The following ADAM32 variants were observed in gnomAD, a reference collection of about 807,000 sequenced individuals.
The protein encoded by ADAM32 is ADAM metallopeptidase domain 32, also known as disintegrin and metalloproteinase domain-containing protein 32.
In ADAM32, 89 loss-of-function variants were observed where a neutral mutation model predicts 114.9. That is an observed-to-expected ratio of 0.77 (90% CI 0.65 to 0.92). The LOEUF (loss-of-function observed/expected upper bound fraction) is 0.92, where lower values mean the gene tolerates loss of function less well. Ranked by LOEUF, ADAM32 falls within the 40% of genes least tolerant of loss-of-function variation. ADAM32 has a pLI of 0.00. For synonymous variants in ADAM32, 285 were observed against 307.5 expected (o/e 0.93, Z 0.77); for missense variants, 870 against 932.8 (o/e 0.93, Z 0.88).
chr8:39,233,416 A>C (rs1242907290), intron 15 of ADAM32, among the ~76,000 whole-genome samples: 1 of 152,104 alleles, frequency 6.6e-6, no homozygotes, highest in African/African-American at 2.4e-5. Context: ...TGCTGGTGGG[A>C]GTATCTTTTA....
chr8:39,117,244 TC>T (rs1840417190), intron 1 of ADAM32, among the ~76,000 whole-genome samples: 1 of 152,210 alleles, frequency 6.6e-6, no homozygotes, highest in Non-Finnish European at 1.5e-5. Flanking sequence ...CTGCTACAGT[TC>T]CTGAAGTTGT....
rs116078171 is a variant in ADAM32, at chr8:39,152,898, C to G, written c.525+1350C>G. ...TGAGCAAGCATAATATGTGTTACTT[C>G]TGGCTTGAATATTAAAAGGAGGGGT... is the stretch of plus-strand genomic sequence containing the variant. On this transcript the variant is annotated intron_variant, in intron 6 of 24. Coordinates refer to ENST00000379907, the MANE Select transcript of ADAM32 (RefSeq NM_145004.7). Among the ~76,000 whole-genome samples the G allele has an allele frequency of 3.9e-3, 599 of 152,260 alleles. 3 individuals are homozygous for G. The highest frequency in any genetic ancestry group is 0.014 in the African/African-American group (574 of 41,516).
chr8:39,234,063 C>A lies in ADAM32; in HGVS notation c.1799C>A (p.Ser600Tyr). 6.8e-7 allele frequency: 1 copy of A among 1,477,248 alleles called. No individual in the cohort carries two copies. The highest frequency in any genetic ancestry group is 9.0e-7 in the Non-Finnish European group (1 of 1,109,692). The allele number at this position is 1,477,248 out of a possible 1,614,324, so 91.5% of individuals were successfully genotyped here. A position where few individuals can be genotyped will look rare whatever the true frequency, so the allele number is the denominator to read the frequency against. ...VPDPLAVKNG[S>Y]QCDIGRVCVN... ...GATCCACTGGCTGTCAAAAATGGCT[C>A]TCAGTGTGATATTGGGAGGGTAAAT... Residue 600 changes from serine to tyrosine, a missense_variant, in exon 16 of 25, where the codon TCT (serine) becomes TAT (tyrosine). Transcript: ENST00000379907.
At chr8:39,185,047 T>C (rs1806131035) in intron 10 of ADAM32, among the ~76,000 whole-genome samples, 1 of 152,084 alleles carries the variant, frequency 6.6e-6, no homozygotes, top group Non-Finnish European at 1.5e-5. Context: ...GTGGATCACT[T>C]GAGGGTCAGG....
chr8:39,257,169 T>C lies in ADAM32; in HGVS notation c.2006-18T>C. 2 of 1,529,366 alleles carry C rather than the reference T, an allele frequency of 1.3e-6. No individual in the cohort carries two copies. Among genetic ancestry groups the C allele is most frequent in the Non-Finnish European group, 1.8e-6 (2 of 1,141,082 alleles). 94.7% of individuals were successfully genotyped at this position (1,529,366 alleles called of 1,614,324 possible). On this transcript the variant is annotated intron_variant, in intron 18 of 24. Transcript: ENST00000379907. Reference sequence around the variant, plus strand: ...GTTTAATTTTTTTGTTTTTTTTTTTTTGTATTTCTGTTTTTAGGTTCAATC... The same window carrying C: ...GTTTAATTTTTTTGTTTTTTTTTTTCTGTATTTCTGTTTTTAGGTTCAATC...
intron 1 of ADAM32, among the ~76,000 whole-genome samples, chr8:39,110,868 C>A: frequency 6.6e-6 from 1 of 152,186 alleles, no homozygotes; most frequent in East Asian, 1.9e-4. Context: ...TCACATTAAG[C>A]AGTCACTCCT....
In ADAM32 at chr8:39,180,426, C is replaced by G. The variant is rs991030757; in HGVS notation, c.916-6483C>G. On this transcript the variant is annotated intron_variant, in intron 10 of 24. Coordinates refer to ENST00000379907, the MANE Select transcript of ADAM32 (RefSeq NM_145004.7). The stretch of plus-strand genomic sequence containing the variant: ...TCAGCCTCCCCTGCCTCTGTGGGCT[C>G]CTTTGCGGCCCGAGCCTCCCCGACG... Among the ~76,000 whole-genome samples, 5 of 152,342 alleles carry G rather than the reference C, an allele frequency of 3.3e-5. No homozygotes were observed. In the East Asian group the frequency reaches 9.7e-4, roughly 29 times the overall value.
At chr8:39,220,373 G>GT (rs1808874987) in intron 12 of ADAM32, among the ~76,000 whole-genome samples, 1 of 151,954 alleles carries the variant, frequency 6.6e-6, no homozygotes, top group African/African-American at 2.4e-5. Flanking sequence ...AGATGGATGG[G>GT]TTTTGTTTTT....
rs1378607561 is a variant in ADAM32, at chr8:39,257,306, A to G, written c.2125A>G (p.Lys709Glu). 4 of 1,613,442 alleles carry G rather than the reference A, an allele frequency of 2.5e-6. No homozygotes were observed. In the Admixed American group the frequency reaches 6.7e-5, roughly 27 times the overall value. ...AGTTTTGGCAAGGAAACAGTTGAAAAAGTGGTTCGCCAAGGAAGAGGAATT... is the reference window on the plus strand; with the variant it reads ...AGTTTTGGCAAGGAAACAGTTGAAAGAGTGGTTCGCCAAGGAAGAGGAATT... The part of the protein sequence containing the change: ...AIVLARKQLK[K>E]WFAKEEEFPS... The change falls in exon 19 of 25, where the codon AAG (lysine) becomes GAG (glutamate). Residue 709 changes from lysine (K) to glutamate (E), a missense_variant. Transcript: ENST00000379907.
intron 11 of ADAM32, among the ~76,000 whole-genome samples, chr8:39,208,394 A>G (rs1226263760): frequency 6.6e-6 from 1 of 152,094 alleles, no homozygotes; most frequent in Non-Finnish European, 1.5e-5. Context: ...TGTTGTAGTT[A>G]TTGTTTTCAA....
intron 3 of ADAM32, among the ~76,000 whole-genome samples, chr8:39,145,811 A>C (rs1449562882): frequency 6.6e-6 from 1 of 152,122 alleles, no homozygotes; most frequent in Non-Finnish European, 1.5e-5. Flanking sequence ...AGCTCACTGC[A>C]GCCTTGAACT....
chr8:39,235,476 T>A (rs117846530), intron 16 of ADAM32, among the ~76,000 whole-genome samples: 1,651 of 152,162 alleles, frequency 0.011, 15 homozygotes, highest in Middle Eastern at 0.031. Context: ...GCCAGGGAGC[T>A]CAGTGGATAT....
At chr8:39,279,092 G>C (rs549247706) in intron 22 of ADAM32, among the ~76,000 whole-genome samples, 58 of 152,062 alleles carry the variant, frequency 3.8e-4, no homozygotes, top group Non-Finnish European at 7.1e-4. Context: ...TATATGTTCT[G>C]ATAGAATTTG....
At chr8:39,210,002 T>A (rs1194555235) in intron 11 of ADAM32, among the ~76,000 whole-genome samples, 1 of 152,216 alleles carries the variant, frequency 6.6e-6, no homozygotes, top group Non-Finnish European at 1.5e-5. Context: ...ACAGTCACTA[T>A]TACCTGACTG....
chr8:39,278,076 C>T (rs566712070), intron 22 of ADAM32, among the ~76,000 whole-genome samples: 28 of 152,172 alleles, frequency 1.8e-4, no homozygotes, highest in African/African-American at 3.4e-4. Flanking sequence ...TGGCTTTCAG[C>T]GGGAAGGGGA....
chr8:39,206,732 G>C (rs1807863632), intron 11 of ADAM32, among the ~76,000 whole-genome samples: 1 of 152,138 alleles, frequency 6.6e-6, no homozygotes, highest in Non-Finnish European at 1.5e-5. Flanking sequence ...TACATTCCTG[G>C]GTCAATCCTG....
intron 19 of ADAM32, among the ~76,000 whole-genome samples, chr8:39,270,153 C>T (rs533156557): frequency 2.8e-4 from 42 of 152,170 alleles, no homozygotes; most frequent in Non-Finnish European, 5.0e-4. Context: ...GGTGGGGACA[C>T]GAAGCCTAAC....
At chr8:39,142,512 C>T (rs558873947) in intron 3 of ADAM32, among the ~76,000 whole-genome samples, 41 of 152,178 alleles carry the variant, frequency 2.7e-4, no homozygotes, top group African/African-American at 9.9e-4. Flanking sequence ...CTTTTCTTTA[C>T]GAATGTTGAA....
chr8:39,257,157 G>T lies in ADAM32; in HGVS notation c.2006-30G>T, dbSNP rs551617677. On this transcript the variant is annotated intron_variant, in intron 18 of 24. Coordinates refer to ENST00000379907, the MANE Select transcript of ADAM32 (RefSeq NM_145004.7). The stretch of plus-strand genomic sequence containing the variant: ...TAAAAGTAGATAGTTTAATTTTTTT[G>T]TTTTTTTTTTTTTGTATTTCTGTTT... The T allele has an allele frequency of 6.0e-4, 766 of 1,284,378 alleles. 4 individuals are homozygous for T. In the African/African-American group the frequency reaches 6.7e-3, roughly 11 times the overall value. 79.6% of individuals were successfully genotyped at this position (1,284,378 alleles called of 1,614,324 possible).
Sources: gnomAD v4.1 joint callset for allele counts (sites outside exome capture counted in the v4.1 genomes callset) on GRCh38, gnomAD v4.1.1 for gene constraint, MANE v1.5 for transcripts, NCBI Gene and HGNC (gene_info 2026-07-23, HGNC 2026-07-21) for gene names.